The following IGLL5 variants were observed in gnomAD, a reference collection of about 807,000 sequenced individuals.
IGLL5 encodes the protein immunoglobulin lambda-like polypeptide 5.
Under a neutral mutation model 20.9 loss-of-function variants are expected in IGLL5, and 30 were observed. The observed-to-expected ratio is 1.44, with a 90% CI of 1.07 to 1.95. IGLL5 has a LOEUF of 1.95. Among genes scored for constraint, IGLL5 ranks in the 30% most tolerant of loss-of-function variants. IGLL5 has a pLI of 0.00. For synonymous variants in IGLL5, 203 were observed against 117.3 expected (o/e 1.73, Z -4.72); for missense variants, 475 against 270.7 (o/e 1.75, Z -5.30).
Position 22,895,596 on chromosome 22 carries a change from A to G in IGLL5, c.547A>G (p.Thr183Ala), listed in dbSNP as rs772518418. 1 of 1,613,222 alleles carries G rather than the reference A, an allele frequency of 6.2e-7. No homozygotes were observed. The highest frequency in any genetic ancestry group is 8.5e-7 in the Non-Finnish European group (1 of 1,179,766). ...CGCGGCCAGCAGCTACCTGAGCCTG[A>G]CGCCCGAGCAGTGGAAGTCCCACAG... ...KYAASSYLSL[T>A]PEQWKSHRSY... The change falls in exon 3 of 3, where the codon ACG becomes GCG. Residue 183 changes from threonine to alanine, a missense_variant. Physicochemically the swap from Thr to Ala is moderately conservative, Grantham distance 58. Coordinates refer to ENST00000526893, the MANE Select transcript of IGLL5 (RefSeq NM_001178126.2).
chr22:22,890,047 A>G (rs2146002840), intron 1 of IGLL5, among the ~76,000 whole-genome samples: 1 of 151,056 alleles, frequency 6.6e-6, no homozygotes, highest in South Asian at 2.1e-4. Context: ...TCACAAAAAG[A>G]GACATTTCTT....
chr22:22,888,863 G>A (rs867206387), intron 1 of IGLL5, among the ~76,000 whole-genome samples: 10 of 151,444 alleles, frequency 6.6e-5, no homozygotes, highest in Middle Eastern at 3.7e-3. Context: ...TAAAGGGAGA[G>A]GGGATCTCCC....
At chr22:22,889,357 T>C (rs566367298) in intron 1 of IGLL5, among the ~76,000 whole-genome samples, 1 of 151,108 alleles carries the variant, frequency 6.6e-6, no homozygotes, top group African/African-American at 2.4e-5. Flanking sequence ...TAAAAATGTA[T>C]AACCATTTTA....
Position 22,888,017 on chromosome 22 carries a change from C to G in IGLL5, c.-37C>G, listed in dbSNP as rs138573360. ...ACCGTCCTCCAGGGAGCCCATGCTG[C>G]AAGTCGGGCCAGAGGTGCCCCTGAA... is the stretch of plus-strand genomic sequence containing the variant. On this transcript the variant is annotated 5_prime_UTR_variant, in exon 1 of 3. Transcript: ENST00000526893. 3 of 1,516,300 alleles carry G rather than the reference C, an allele frequency of 2.0e-6. No individual in the cohort carries two copies. Among genetic ancestry groups the G allele is most frequent in the African/African-American group, 1.4e-5 (1 of 72,078 alleles). The allele number at this position is 1,516,300 out of a possible 1,614,324, so 93.9% of individuals were successfully genotyped here. A position where few individuals can be genotyped will look rare whatever the true frequency, so the allele number is the denominator to read the frequency against.
Position 22,888,624 on chromosome 22 carries a change from G to A in IGLL5, c.206+365G>A, listed in dbSNP as rs57573504. On this transcript the variant is annotated intron_variant, in intron 1 of 2. Coordinates refer to ENST00000526893, the MANE Select transcript of IGLL5 (RefSeq NM_001178126.2). ...CTGTCCCCACAGGGTGCCCAGGCCTGTTCCTCCCCCTCCTCCTCTCTGCCC... is the reference window on the plus strand; with the variant it reads ...CTGTCCCCACAGGGTGCCCAGGCCTATTCCTCCCCCTCCTCCTCTCTGCCC... Among the ~76,000 whole-genome samples the A allele has an allele frequency of 3.9e-3, 594 of 151,188 alleles. 13 individuals carry two copies. The highest frequency in any genetic ancestry group is 0.038 in the South Asian group (180 of 4,714).
chr22:22,894,640 C>T (rs2066677265), intron 2 of IGLL5, among the ~76,000 whole-genome samples: 2 of 150,570 alleles, frequency 1.3e-5, no homozygotes, highest in South Asian at 2.1e-4. Flanking sequence ...CCATGGCTAC[C>T]AGGTGAAGTT....
intron 1 of IGLL5, among the ~76,000 whole-genome samples, 184 bp downstream of exon 1, chr22:22,888,443 T>C (rs578007771): frequency 4.6e-5 from 7 of 151,472 alleles, no homozygotes; most frequent in Middle Eastern, 3.7e-3. Context: ...ATTACTGTTT[T>C]TAATATCATA....
At chr22:22,888,629 TCC>T (rs149093545) in intron 1 of IGLL5, among the ~76,000 whole-genome samples, 1 of 150,794 alleles carries the variant, frequency 6.6e-6, no homozygotes, top group Admixed American at 6.6e-5. Context: ...GGCCTGTTCC[TCC>T]CCCTCCTCCT....
intron 1 of IGLL5, among the ~76,000 whole-genome samples, chr22:22,889,611 A>G (rs2067738682): frequency 6.6e-6 from 1 of 151,294 alleles, no homozygotes. Context: ...TTGTTTTGAA[A>G]CAGTCTTGAT....
chr22:22,893,847 G>C (rs375864906), intron 2 of IGLL5, 29 bp downstream of exon 2: 9 of 1,414,138 alleles, frequency 6.4e-6, no homozygotes, highest in African/African-American at 2.8e-5. Flanking sequence ...TTCCCAGCCT[G>C]TCTCACCCTC....
chr22:22,889,531 G>T (rs2067729794), intron 1 of IGLL5, among the ~76,000 whole-genome samples: 1 of 151,112 alleles, frequency 6.6e-6, no homozygotes, highest in Admixed American at 6.6e-5. Flanking sequence ...GAGAAAACTG[G>T]AAAAAATCCA....
Position 22,896,098 on chromosome 22 carries a change from T to C in IGLL5, c.*404T>C, listed in dbSNP as rs1450382716. On this transcript the variant is annotated 3_prime_UTR_variant, in exon 3 of 3. Coordinates refer to ENST00000526893, the MANE Select transcript of IGLL5 (RefSeq NM_001178126.2). ...ATTTTACTTCTCAATAAATACCTGA[T>C]CATGTAAAACGCAGCATTTCTAATG... The C allele has an allele frequency of 2.9e-6, 1 of 339,262 alleles. No homozygotes were observed. Among genetic ancestry groups the C allele is most frequent in the African/African-American group, 2.1e-5 (1 of 47,102 alleles). The allele number at this position is 339,262 out of a possible 1,614,324, so 21.0% of individuals were successfully genotyped here.
In IGLL5 at chr22:22,888,262, A is replaced by C. The variant is rs190640992; in HGVS notation, c.206+3A>C. On this transcript the variant is annotated splice_donor_region_variant and intron_variant, in intron 1 of 2. Coordinates refer to ENST00000526893, the MANE Select transcript of IGLL5 (RefSeq NM_001178126.2). The stretch of plus-strand genomic sequence containing the variant: ...AGCCTGCGGAGCCTGTGGGGCAGGT[A>C]AGGGGCAAGAGATTCCAGGGGATGT... 24 of 1,546,886 alleles carry C rather than the reference A, an allele frequency of 1.6e-5. No homozygotes were observed. The highest frequency in any genetic ancestry group is 2.1e-4 in the Middle Eastern group (1 of 4,824).
chr22:22,888,744 T>C (rs541539500), intron 1 of IGLL5, among the ~76,000 whole-genome samples: 2 of 151,368 alleles, frequency 1.3e-5, no homozygotes, highest in African/African-American at 2.4e-5. Context: ...TTCACCAACT[T>C]GCACATAAAT....
chr22:22,894,199 G>T (rs185999104), intron 2 of IGLL5, among the ~76,000 whole-genome samples: 6 of 151,236 alleles, frequency 4.0e-5, no homozygotes, highest in Admixed American at 2.0e-4. Flanking sequence ...GGGCCTGGGA[G>T]CTGCTGAGTC....
At chr22:22,891,452 C>T (rs970576303) in intron 1 of IGLL5, among the ~76,000 whole-genome samples, 8 of 151,110 alleles carry the variant, frequency 5.3e-5, no homozygotes, top group African/African-American at 1.9e-4. Context: ...ATGGTATGTT[C>T]GGTAACTGGT....
chr22:22,889,563 GA>G (rs1423345992), intron 1 of IGLL5, among the ~76,000 whole-genome samples: 1 of 151,224 alleles, frequency 6.6e-6, no homozygotes, highest in East Asian at 2.0e-4. Context: ...GAAAGGGTGT[GA>G]AAAAACACAA....
At chr22:22,889,240 A>C (rs2067699783) in intron 1 of IGLL5, among the ~76,000 whole-genome samples, 3 of 151,196 alleles carry the variant, frequency 2.0e-5, no homozygotes, top group East Asian at 2.0e-4. Flanking sequence ...GAGGACACTC[A>C]GATTCAGAGC....
chr22:22,888,395 T>A (rs565327649), intron 1 of IGLL5, 136 bp downstream of exon 1: 12 of 679,006 alleles, frequency 1.8e-5, no homozygotes, highest in Middle Eastern at 4.2e-4. Context: ...CTGGCTTTAG[T>A]AATGGGTTGA....
Sources: gnomAD v4.1 joint callset for allele counts (sites outside exome capture counted in the v4.1 genomes callset) on GRCh38, gnomAD v4.1.1 for gene constraint, MANE v1.5 for transcripts, NCBI Gene and HGNC (gene_info 2026-07-23, HGNC 2026-07-21) for gene names.